The following LAMB1 variants were observed in gnomAD, a reference collection of about 807,000 sequenced individuals.
The protein encoded by LAMB1 is laminin subunit beta-1.
A neutral mutation model predicts 222.3 loss-of-function variants in LAMB1; 121 were observed. The observed-to-expected ratio is 0.54, with a 90% confidence interval of 0.47 to 0.63. The LOEUF (loss-of-function observed/expected upper bound fraction) is 0.63. Ranked by LOEUF, LAMB1 falls within the 30% of genes least tolerant of loss-of-function variation. The pLI is 0.00. For missense variants in LAMB1, 2,172 were observed against 2,240.8 expected (o/e 0.97, Z 0.62); for synonymous variants, 794 against 807.2 (o/e 0.98, Z 0.28).
rs534982664 is a variant in LAMB1 at position 107,964,584 on chromosome 7, G to C, written c.1666C>G (p.Leu556Val). The change falls in exon 14 of 34, where the codon CTC (leucine) becomes GTC (valine). Residue 556 changes from leucine (L) to valine (V), a missense_variant. Transcript: ENST00000222399. ...GYYFATLDHYLYEAEEANLGP... is the reference protein window; with the variant it reads ...GYYFATLDHYVYEAEEANLGP... Reference sequence around the variant, plus strand: ...AAGTTGGCTTCCTCCGCTTCATAGAGGTAGTGATCCAGGGTGGCAAAGTAG... The same window carrying C: ...AAGTTGGCTTCCTCCGCTTCATAGACGTAGTGATCCAGGGTGGCAAAGTAG... 3 of 1,614,186 alleles carry C rather than the reference G, an allele frequency of 1.9e-6. No individual in the cohort carries two copies. In the Admixed American group the frequency reaches 5.0e-5, roughly 27 times the overall value.
At chr7:108,002,014 C>T in intron 2 of LAMB1, 1 of 1,446,120 alleles carries the variant, frequency 6.9e-7, no homozygotes, top group Non-Finnish European at 9.1e-7. Flanking sequence ...CTCGCGCCCA[C>T]CCTGATCAGC....
At chr7:107,958,724 T>A (rs1323767219) in intron 20 of LAMB1, among the ~76,000 whole-genome samples, 1 of 152,214 alleles carries the variant, frequency 6.6e-6, no homozygotes, top group East Asian at 1.9e-4. Flanking sequence ...TCTCCTATTC[T>A]TACTCTACAT....
rs1421543078 is a variant in LAMB1 at position 107,975,754 on chromosome 7, T to C, written c.1124A>G (p.Glu375Gly). The C allele has an allele frequency of 6.2e-7, 1 of 1,613,914 alleles. No individual in the cohort carries two copies. The highest frequency in any genetic ancestry group is 1.3e-5 in the African/African-American group (1 of 74,854). ...CTGGTAGTAAAACGGCTTGCACTGC[T>C]CACAGTTGCGCCCCATGGTGTTGTG... The part of the protein sequence containing the change: ...CQHNTMGRNC[E>G]QCKPFYYQHP... Residue 375 changes from glutamate to glycine, a missense_variant, in exon 10 of 34, where the codon GAG (glutamate) becomes GGG (glycine). Coordinates refer to ENST00000222399, the MANE Select transcript of LAMB1 (RefSeq NM_002291.3).
rs115999567 is a variant in LAMB1 at position 107,968,846 on chromosome 7, G to C, written c.1562+4146C>G. On this transcript the variant is annotated intron_variant, in intron 13 of 33. Coordinates refer to ENST00000222399, the MANE Select transcript of LAMB1 (RefSeq NM_002291.3). ...ACCAACATCGTGATTTTGGTCCACT[G>C]AGACTGTATTTGACACATAGAACTG... Among the ~76,000 whole-genome samples the C allele has an allele frequency of 6.7e-3, 1,018 of 152,308 alleles. 17 individuals are homozygous for C. Among genetic ancestry groups the C allele is most frequent in the African/African-American group, 0.023 (970 of 41,564 alleles).
Position 107,924,034 on chromosome 7 carries a change from C to A in LAMB1, c.5278G>T (p.Glu1760Ter). 1.3e-6 allele frequency: 2 copies of A among 1,588,136 alleles called. No homozygotes were observed. Among genetic ancestry groups the A allele is most frequent in the South Asian group, 1.2e-5 (1 of 85,642 alleles). The change falls in exon 34 of 34, where the codon GAA (glutamate) becomes TAA (stop). Residue 1760 changes from glutamate (E) to a stop codon, truncating the protein, a stop_gained. Transcript: ENST00000222399. LOFTEE classifies it high-confidence loss of function. Reference protein sequence around the residue: ...NQRYLEDKAQELARLEGEVRS... With the variant: ...NQRYLEDKAQ ...ACTTCTCCTTCCAGTCTTGCTAATT[C>A]TTGAGCTTTATCTTCTAAGTATCTT...
intron 8 of LAMB1, among the ~76,000 whole-genome samples, chr7:107,979,280 A>C (rs189399103): frequency 6.6e-6 from 1 of 152,242 alleles, no homozygotes; most frequent in East Asian, 1.9e-4. Context: ...TTGTGCAACA[A>C]AAGTTCTAAC....
intron 15 of LAMB1, among the ~76,000 whole-genome samples, chr7:107,962,031 C>A (rs575802445): frequency 6.6e-6 from 1 of 152,334 alleles, no homozygotes; most frequent in Non-Finnish European, 1.5e-5. Context: ...GCATCTCCAA[C>A]CATATCTCTC....
At chr7:107,987,903 T>C (rs1159893039) in intron 5 of LAMB1, among the ~76,000 whole-genome samples, 1 of 152,200 alleles carries the variant, frequency 6.6e-6, no homozygotes, top group Non-Finnish European at 1.5e-5. Flanking sequence ...GAAGTTGCCA[T>C]GCTAAGGGAC....
At chr7:107,932,468 T>G in intron 27 of LAMB1, 91 bp from the exon 28 acceptor site, 1 of 1,254,080 alleles carries the variant, frequency 8.0e-7, no homozygotes, top group Non-Finnish European at 1.2e-6. Context: ...CCCCAGAGAA[T>G]GTGTAGGTGG....
At chr7:107,971,790 T>C (rs532296873) in intron 13 of LAMB1, among the ~76,000 whole-genome samples, 3 of 152,256 alleles carry the variant, frequency 2.0e-5, no homozygotes, top group South Asian at 2.1e-4. Context: ...GTGTATGGAA[T>C]AGAGAAAAAG....
Position 107,924,017 on chromosome 7 carries a change from T to C in LAMB1, c.5295A>G (p.Glu1765=). ...CCTTTAGGAGTGAACGGACTTCTCCTTCCAGTCTTGCTAATTCTTGAGCTT... is the reference window on the plus strand; with the variant it reads ...CCTTTAGGAGTGAACGGACTTCTCCCTCCAGTCTTGCTAATTCTTGAGCTT... ...EDKAQELARL[E]GEVRSLLKDI... is the part of the protein sequence containing the mutation. The change falls in exon 34 of 34, where the codon GAA becomes GAG. Residue 1765 remains glutamate (E), a synonymous_variant. Coordinates refer to ENST00000222399, the MANE Select transcript of LAMB1 (RefSeq NM_002291.3). 6.3e-7 allele frequency: 1 copy of C among 1,597,926 alleles called. No individual in the cohort carries two copies. The highest frequency in any genetic ancestry group is 1.1e-5 in the South Asian group (1 of 87,216).
intron 20 of LAMB1, 87 bp from the exon 21 acceptor site, chr7:107,955,717 G>A: frequency 8.1e-7 from 1 of 1,241,428 alleles, no homozygotes; most frequent in Non-Finnish European, 1.1e-6. Flanking sequence ...TGTTCTGTTT[G>A]GGCACACTCT....
chr7:107,959,805 T>C lies in LAMB1; in HGVS notation c.2344A>G (p.Ser782Gly), dbSNP rs2150427437. Residue 782 changes from serine (S) to glycine (G), a missense_variant, in exon 19 of 34, where the codon AGT becomes GGT. Ser to Gly is a moderately conservative substitution (Grantham distance 56, BLOSUM62 0). Coordinates refer to ENST00000222399, the MANE Select transcript of LAMB1 (RefSeq NM_002291.3). Reference sequence around the variant, plus strand: ...CCTCCGTTGGGATCACACACGGAACTTAACGAACCCTGAGGGTCGCATTCA... The same window carrying C: ...CCTCCGTTGGGATCACACACGGAACCTAACGAACCCTGAGGGTCGCATTCA... ...ACECDPQGSL[S>G]SVCDPNGGQC... 1 of 1,613,802 alleles carries C rather than the reference T, an allele frequency of 6.2e-7. No homozygotes were observed. Among genetic ancestry groups the C allele is most frequent in the South Asian group, 1.1e-5 (1 of 90,942 alleles).
At position 107,960,461 on chromosome 7, in the gene LAMB1, T is replaced by TA; in HGVS notation, c.2297dup (p.Leu766PhefsTer9). ...AATACCTACCCAGGCCTGTCTGGTG[T>TA]AACAGGGCAGAAATGCTAAAGATGA... On this transcript the variant is annotated frameshift_variant, in exon 18 of 34. Transcript: ENST00000222399. LOFTEE classifies it high-confidence loss of function. 6.2e-7 allele frequency: 1 copy of TA among 1,613,920 alleles called. No individual in the cohort carries two copies. Among genetic ancestry groups the TA allele is most frequent in the Non-Finnish European group, 8.5e-7 (1 of 1,179,804 alleles).
intron 24 of LAMB1, 22 bp from the exon 25 acceptor site, chr7:107,940,380 T>C (rs2032952789): frequency 1.9e-6 from 3 of 1,597,410 alleles, no homozygotes; most frequent in South Asian, 1.1e-5. Flanking sequence ...TAAGCAATGC[T>C]AGCTGATCTA....
At chr7:107,959,152 G>A (rs1453226609) in intron 20 of LAMB1, 97 bp downstream of exon 20, 1 of 923,098 alleles carries the variant, frequency 1.1e-6, no homozygotes, top group Non-Finnish European at 1.7e-6. Flanking sequence ...GAATGAGCGA[G>A]CTGAAGCCTG....
intron 24 of LAMB1, among the ~76,000 whole-genome samples, chr7:107,950,376 G>T (rs2033215646): frequency 6.6e-6 from 1 of 152,104 alleles, no homozygotes; most frequent in Admixed American, 6.5e-5. Context: ...AGGAAAGAAA[G>T]AATATAAAAA....
chr7:107,984,477 A>C, intron 7 of LAMB1, among the ~76,000 whole-genome samples: 1 of 152,144 alleles, frequency 6.6e-6, no homozygotes, highest in East Asian at 1.9e-4. Context: ...CGAATTCCTG[A>C]CCTCAAGTGA....
chr7:107,973,313 C>G (rs757573997), intron 12 of LAMB1, among the ~76,000 whole-genome samples: 2 of 152,184 alleles, frequency 1.3e-5, no homozygotes, highest in Non-Finnish European at 2.9e-5. Flanking sequence ...CTGCTCTGCC[C>G]TATAGATAAC....
Sources: gnomAD v4.1 joint callset for allele counts (sites outside exome capture counted in the v4.1 genomes callset) on GRCh38, gnomAD v4.1.1 for gene constraint, MANE v1.5 for transcripts, NCBI Gene and HGNC (gene_info 2026-07-23, HGNC 2026-07-21) for gene names.